The following ITGBL1 variants were observed in gnomAD, a reference collection of about 807,000 sequenced individuals.
ITGBL1 encodes integrin subunit beta like 1.
Under a neutral mutation model 68.5 loss-of-function variants are expected in ITGBL1, and 51 were observed. The observed-to-expected ratio is 0.74, with a 90% CI of 0.59 to 0.94. ITGBL1 has a LOEUF of 0.94. ITGBL1 is among the 40% of genes least tolerant of loss of function. The pLI, the probability that ITGBL1 is intolerant of heterozygous loss-of-function variation, is 0.00. For synonymous variants in ITGBL1, 209 were observed against 227.3 expected (o/e 0.92, Z 0.72); for missense variants, 649 against 647.4 (o/e 1.00, Z -0.03).
intron 2 of ITGBL1, among the ~76,000 whole-genome samples, chr13:101,531,924 C>T (rs1418791500): frequency 4.0e-5 from 6 of 151,456 alleles, no homozygotes; most frequent in African/African-American, 1.2e-4. Context: ...TTGGTAGAGA[C>T]GGGGTTTCAC....
chr13:101,710,708 T>A (rs2034422952), intron 9 of ITGBL1: 2 of 152,148 alleles, frequency 1.3e-5, no homozygotes, highest in African/African-American at 2.4e-5. Flanking sequence ...GCAGTGGGCA[T>A]GAGATCGCCA....
chr13:101,642,657 G>A (rs1470122151), intron 7 of ITGBL1, among the ~76,000 whole-genome samples: 1 of 151,514 alleles, frequency 6.6e-6, no homozygotes, highest in African/African-American at 2.4e-5. Flanking sequence ...GTCCTGAATG[G>A]TAATGCCTAG....
intron 6 of ITGBL1, among the ~76,000 whole-genome samples, chr13:101,585,583 A>G (rs1925991): frequency 0.5 from 76,210 of 151,634 alleles, 19,488 homozygotes; most frequent in East Asian, 0.67. Flanking sequence ...GGTGCCCACC[A>G]CCACGCCCGG....
At chr13:101,604,165 T>C (rs2030553216) in intron 7 of ITGBL1, among the ~76,000 whole-genome samples, 1 of 151,886 alleles carries the variant, frequency 6.6e-6, no homozygotes, top group Non-Finnish European at 1.5e-5. Flanking sequence ...TGTAAGTATA[T>C]ACTTATAGCA....
chr13:101,591,017 C>T (rs1307243760), intron 6 of ITGBL1, among the ~76,000 whole-genome samples: 4 of 152,116 alleles, frequency 2.6e-5, no homozygotes, highest in Non-Finnish European at 5.9e-5. Context: ...AATTCTCCTG[C>T]CTAGCCTCCC....
chr13:101,609,667 G>A (rs2031032351), intron 7 of ITGBL1, among the ~76,000 whole-genome samples: 1 of 152,070 alleles, frequency 6.6e-6, no homozygotes, highest in African/African-American at 2.4e-5. Context: ...AGAACAGAGA[G>A]AAAAGAAGAA....
At chr13:101,534,256 C>T (rs2049532135) in intron 2 of ITGBL1, among the ~76,000 whole-genome samples, 2 of 152,110 alleles carry the variant, frequency 1.3e-5, no homozygotes, top group East Asian at 3.9e-4. Flanking sequence ...GCATAGGCTA[C>T]TCTTTCCAGA....
At chr13:101,566,573 G>C (rs2050186735) in intron 2 of ITGBL1, among the ~76,000 whole-genome samples, 1 of 152,148 alleles carries the variant, frequency 6.6e-6, no homozygotes. Flanking sequence ...CAGTTTTAAA[G>C]TCACAGCCAA....
intron 7 of ITGBL1, among the ~76,000 whole-genome samples, chr13:101,677,809 T>C (rs1275861817): frequency 2.0e-5 from 3 of 152,182 alleles, no homozygotes; most frequent in Non-Finnish European, 4.4e-5. Context: ...TACTACATCC[T>C]TAAACTTTAA....
At chr13:101,485,186 C>A in intron 2 of ITGBL1, among the ~76,000 whole-genome samples, 1 of 152,030 alleles carries the variant, frequency 6.6e-6, no homozygotes, top group East Asian at 1.9e-4. Context: ...CATCACTGGT[C>A]GATGTCAGCT....
chr13:101,498,465 T>A (rs2048890734), intron 2 of ITGBL1, among the ~76,000 whole-genome samples: 1 of 152,240 alleles, frequency 6.6e-6, no homozygotes, highest in South Asian at 2.1e-4. Flanking sequence ...ACCTGTGATT[T>A]GTTTATCCAA....
intron 7 of ITGBL1, among the ~76,000 whole-genome samples, chr13:101,609,951 A>G (rs1183583465): frequency 6.6e-6 from 1 of 152,138 alleles, no homozygotes; most frequent in East Asian, 1.9e-4. Flanking sequence ...TTTATGTTGT[A>G]AGTTGAAAAC....
chr13:101,579,562 A>G lies in ITGBL1; in HGVS notation c.727+135A>G. 15 of 882,622 alleles carry G rather than the reference A, an allele frequency of 1.7e-5. No homozygotes were observed. The South Asian group carries it at 2.8e-4, about 17-fold the overall frequency. The allele number at this position is 882,622 out of a possible 1,614,324, so 54.7% of individuals were successfully genotyped here. ...ACCATTTACTTTGATGTAAATCAAC[A>G]TTTACTATCCCAACAATCTTTTCTG... On this transcript the variant is annotated intron_variant, in intron 5 of 10. Coordinates refer to ENST00000376180, the MANE Select transcript of ITGBL1 (RefSeq NM_004791.3).
chr13:101,696,024 C>T (rs961177754), intron 8 of ITGBL1, among the ~76,000 whole-genome samples: 38 of 152,246 alleles, frequency 2.5e-4, no homozygotes, highest in Middle Eastern at 6.8e-3. Context: ...TCCTGTTGGG[C>T]GTGCGACTTC....
intron 2 of ITGBL1, among the ~76,000 whole-genome samples, chr13:101,466,643 AT>A (rs931570363): frequency 6.6e-6 from 1 of 152,146 alleles, no homozygotes; most frequent in African/African-American, 2.4e-5. Context: ...GTGTTTTCTT[AT>A]GTTTACAAAT....
chr13:101,634,856 A>T (rs1287075939), intron 7 of ITGBL1, among the ~76,000 whole-genome samples: 4 of 152,068 alleles, frequency 2.6e-5, no homozygotes, highest in Non-Finnish European at 5.9e-5. Flanking sequence ...GGGGTGAATG[A>T]AAAGGGAGCT....
intron 7 of ITGBL1, among the ~76,000 whole-genome samples, chr13:101,604,883 T>TACACACACAC (rs1444965646): frequency 2.9e-3 from 37 of 12,964 alleles, no homozygotes; most frequent in South Asian, 8.7e-3. Context: ...TATATATATA[T>TACACACACAC]ATATACACAC....
chr13:101,591,650 G>A (rs2050656622), intron 6 of ITGBL1, among the ~76,000 whole-genome samples: 1 of 151,850 alleles, frequency 6.6e-6, no homozygotes, highest in Admixed American at 6.6e-5. Flanking sequence ...AGGAATATTA[G>A]TAAAATGGTC....
At chr13:101,556,536 G>A (rs2050009520) in intron 2 of ITGBL1, among the ~76,000 whole-genome samples, 3 of 152,136 alleles carry the variant, frequency 2.0e-5, no homozygotes, top group Admixed American at 2.0e-4. Flanking sequence ...TCGGGAGGCT[G>A]AGGCAGAATT....
Sources: allele counts gnomAD v4.1 joint callset (sites outside exome capture counted in the v4.1 genomes callset), GRCh38; gene constraint gnomAD v4.1.1; transcripts MANE v1.5; gene names NCBI Gene and HGNC (gene_info 2026-07-23, HGNC 2026-07-21).